Variants in DIPK2B observed in about 807,000 individuals in gnomAD.
The protein encoded by DIPK2B is divergent protein kinase domain 2B.
A neutral mutation model predicts 22.2 loss-of-function variants in DIPK2B; 15 were observed. That is an observed-to-expected ratio of 0.68 (90% CI 0.45 to 1.04). DIPK2B has a LOEUF of 1.04. Among genes scored for constraint, DIPK2B ranks in the 50% least tolerant of loss-of-function variants. The pLI is 0.00. For synonymous variants in DIPK2B, 163 were observed against 153.2 expected, an observed-to-expected ratio of 1.06 and a Z score of -0.47; for missense variants, 345 against 348.3, an observed-to-expected ratio of 0.99 and a Z score of 0.08.
intron 2 of DIPK2B, among the ~76,000 whole-genome samples, chrX:45,175,490 C>T (rs780043969): frequency 1.9e-5 from 2 of 107,803 alleles, no homozygotes; most frequent in Admixed American, 2.0e-4. Context: ...GAAAAAACAC[C>T]AATGTGTTAA....
In DIPK2B at chrX:45,192,033, C is replaced by G; in HGVS notation, c.234-18G>C. 8.4e-7 allele frequency: 1 copy of G among 1,194,704 alleles called. No individual in the cohort carries two copies. Among genetic ancestry groups the G allele is most frequent in the Non-Finnish European group, 1.1e-6 (1 of 886,996 alleles). ...TGTCAGATCTGTTGGAAGAATAGCC[C>G]TTTGAGGATTGGCCTGTGAGCTGGA... On this transcript the variant is annotated intron_variant, in intron 1 of 4. Coordinates refer to ENST00000398000, the MANE Select transcript of DIPK2B (RefSeq NM_176819.4).
chrX:45,169,265 G>T (rs1451901472), intron 2 of DIPK2B, among the ~76,000 whole-genome samples: 1 of 111,766 alleles, frequency 8.9e-6, no homozygotes, highest in Non-Finnish European at 1.9e-5. Flanking sequence ...ACATGGGAAG[G>T]CTCTAGAAGC....
chrX:45,173,700 A>G (rs1400322276), intron 2 of DIPK2B, among the ~76,000 whole-genome samples: 3 of 106,613 alleles, frequency 2.8e-5, no homozygotes, highest in African/African-American at 1.0e-4. Flanking sequence ...TTCTCTAAGT[A>G]GCTGGGACTA....
In DIPK2B at chrX:45,187,236, G is replaced by A. The variant is rs188390393; in HGVS notation, c.498+4515C>T. Among the ~76,000 whole-genome samples, 9 of 112,083 alleles carry A rather than the reference G, an allele frequency of 8.0e-5. No homozygotes were observed. The East Asian group carries it at 2.3e-3, about 28-fold the overall frequency. Reference sequence around the variant, plus strand: ...GTTTTCCCCTGATTAGCCTCCAGCTGCCTAGGGTGGTTGCCTCTTTGCCCT... The same window carrying A: ...GTTTTCCCCTGATTAGCCTCCAGCTACCTAGGGTGGTTGCCTCTTTGCCCT... On this transcript the variant is annotated intron_variant, in intron 2 of 4. Coordinates refer to ENST00000398000, the MANE Select transcript of DIPK2B (RefSeq NM_176819.4).
rs1232368665 is a variant in DIPK2B at position 45,179,760 on chromosome X, A to C, written c.498+11991T>G. ...CATAGAGAAAAAAATAATTGAAAAA[A>C]ATACTAGAATTCAAGGTTGGTTTAA... On this transcript the variant is annotated intron_variant, in intron 2 of 4. Coordinates refer to ENST00000398000, the MANE Select transcript of DIPK2B (RefSeq NM_176819.4). Among the ~76,000 whole-genome samples, 6 of 112,029 alleles carry C rather than the reference A, an allele frequency of 5.4e-5. No homozygotes were observed. In the Admixed American group the frequency reaches 5.7e-4, roughly 11 times the overall value.
chrX:45,200,676 C>T lies in DIPK2B; in HGVS notation c.151G>A (p.Gly51Arg), dbSNP rs756745436. The T allele has an allele frequency of 2.5e-6, 3 of 1,212,406 alleles. No individual in the cohort carries two copies. In the Admixed American group the frequency reaches 6.5e-5, roughly 26 times the overall value. The change falls in exon 1 of 5, where the codon GGA (glycine) becomes AGA (arginine). Residue 51 changes from glycine (G) to arginine (R), a missense_variant. Physicochemically the swap from Gly to Arg is moderately radical, Grantham distance 125 (BLOSUM62 -2). Coordinates refer to ENST00000398000, the MANE Select transcript of DIPK2B (RefSeq NM_176819.4). The part of the protein sequence containing the change: ...VPQVRTSYNF[G>R]RTFLGLDKCN... Reference sequence around the variant, plus strand: ...TTATCAAGACCGAGGAAAGTCCTTCCAAAATTGTAGCTGGTTCTGACTTGG... The same window carrying T: ...TTATCAAGACCGAGGAAAGTCCTTCTAAAATTGTAGCTGGTTCTGACTTGG...
At chrX:45,174,528 G>A (rs1174803615) in intron 2 of DIPK2B, among the ~76,000 whole-genome samples, 1 of 110,348 alleles carries the variant, frequency 9.1e-6, no homozygotes, top group Non-Finnish European at 1.9e-5. Flanking sequence ...GGGAAATCCA[G>A]GTAGGCTTCA....
At chrX:45,179,534 T>C (rs542438645) in intron 2 of DIPK2B, among the ~76,000 whole-genome samples, 1 of 110,469 alleles carries the variant, frequency 9.1e-6, no homozygotes, top group East Asian at 2.9e-4. Context: ...AGAGACAAAA[T>C]GAATGAAAAA....
At chrX:45,186,971 G>C (rs2047186231) in intron 2 of DIPK2B, among the ~76,000 whole-genome samples, 2 of 112,651 alleles carry the variant, frequency 1.8e-5, no homozygotes, top group African/African-American at 6.5e-5. Flanking sequence ...ATGCATTTTG[G>C]TTAATTTGCT....
chrX:45,151,907 G>T lies in DIPK2B; in HGVS notation c.1047C>A (p.Cys349Ter). 8.3e-7 allele frequency: 1 copy of T among 1,207,235 alleles called. No homozygotes were observed. Among genetic ancestry groups the T allele is most frequent in the Non-Finnish European group, 1.1e-6 (1 of 892,859 alleles). The change falls in exon 5 of 5, where the codon TGC becomes TGA. Residue 349 changes from cysteine to a stop codon, truncating the protein, a stop_gained. Transcript: ENST00000398000. LOFTEE classifies it high-confidence loss of function. ...VSGCQAQLPS[C>*]ESISEKQSLV... Reference sequence around the variant, plus strand: ...GGCTCTGCTTCTCAGAGATGCTTTCGCAGGAGGGCAGCTGGGCCTGGCAGC... The same window carrying T: ...GGCTCTGCTTCTCAGAGATGCTTTCTCAGGAGGGCAGCTGGGCCTGGCAGC...
chrX:45,179,169 T>C (rs2047135257), intron 2 of DIPK2B, among the ~76,000 whole-genome samples: 1 of 111,117 alleles, frequency 9.0e-6, no homozygotes, highest in Non-Finnish European at 1.9e-5. Flanking sequence ...CTACAAGGTA[T>C]AAGCCAGCCT....
chrX:45,153,474 T>TTGTG (rs34281975), intron 4 of DIPK2B, among the ~76,000 whole-genome samples: 12,722 of 73,700 alleles, frequency 0.17, 1,314 homozygotes, highest in Admixed American at 0.23. Flanking sequence ...CCCAAAAGTT[T>TTGTG]TGTGTGTGTG....
At position 45,154,085 on chromosome X, in the gene DIPK2B, A is replaced by G. The variant is rs147278119; in HGVS notation, c.786T>C (p.Asp262=). The change falls in exon 4 of 5, where the codon GAT becomes GAC. Residue 262 remains aspartate, a synonymous_variant. Coordinates refer to ENST00000398000, the MANE Select transcript of DIPK2B (RefSeq NM_176819.4). ...PLQEFYDAPP[D]QAADLAYQLL... ...GCTGGTAGGCAAGGTCGGCTGCCTGATCTGGGGGTGCATCATAGAATTCCT... is the reference window on the plus strand; with the variant it reads ...GCTGGTAGGCAAGGTCGGCTGCCTGGTCTGGGGGTGCATCATAGAATTCCT... 5.4e-5 allele frequency: 65 copies of G among 1,208,977 alleles called. No homozygotes were observed. The African/African-American group carries it at 1.0e-3, about 19-fold the overall frequency.
At chrX:45,163,212 C>T (rs1327714409) in intron 2 of DIPK2B, 1 of 209,403 alleles carries the variant, frequency 4.8e-6, no homozygotes, top group African/African-American at 3.1e-5. Context: ...ATTCTATCTG[C>T]AAACTACAGC....
rs778506625 is a variant in DIPK2B at position 45,162,764 on chromosome X, G to T, written c.499-4876C>A. On this transcript the variant is annotated intron_variant, in intron 2 of 4. Coordinates refer to ENST00000398000, the MANE Select transcript of DIPK2B (RefSeq NM_176819.4). The stretch of plus-strand genomic sequence containing the variant: ...GACCTCTGTTGCCCCTCTCTCTCCC[G>T]TGCCTGGTTTCCTCATCCTTGCATT... The T allele has an allele frequency of 4.0e-6, 3 of 752,323 alleles. No individual in the cohort carries two copies. In the African/African-American group the frequency reaches 7.0e-5, roughly 17 times the overall value. 62.0% of individuals were successfully genotyped at this position (752,323 alleles called of 1,213,427 possible). A position where few individuals can be genotyped will look rare whatever the true frequency, so the allele number is the denominator to read the frequency against.
chrX:45,166,243 A>C (rs1217646741), intron 2 of DIPK2B, among the ~76,000 whole-genome samples: 1 of 111,558 alleles, frequency 9.0e-6, no homozygotes. Flanking sequence ...TGGTCGCTGG[A>C]TGCCAGGGCT....
At position 45,190,364 on chromosome X, in the gene DIPK2B, G is replaced by A. The variant is rs181853671; in HGVS notation, c.498+1387C>T. ...CTCTTCCCACCTCAGTTTTGGAGAA[G>A]GAATGTCAGAGCAGATTGGGGAAAT... is the stretch of plus-strand genomic sequence containing the variant. On this transcript the variant is annotated intron_variant, in intron 2 of 4. Coordinates refer to ENST00000398000, the MANE Select transcript of DIPK2B (RefSeq NM_176819.4). 1.4e-3 allele frequency among the ~76,000 whole-genome samples: 154 copies of A among 111,917 alleles called. 1 individual carries two copies. The highest frequency in any genetic ancestry group is 4.8e-3 in the African/African-American group (147 of 30,749).
chrX:45,193,757 A>G (rs970848526), intron 1 of DIPK2B, among the ~76,000 whole-genome samples: 6 of 112,448 alleles, frequency 5.3e-5, no homozygotes, highest in Admixed American at 1.9e-4. Flanking sequence ...ACAGTGTAAC[A>G]TTGTAATGAG....
intron 1 of DIPK2B, among the ~76,000 whole-genome samples, chrX:45,198,494 C>T (rs1335844233): frequency 9.0e-6 from 1 of 111,029 alleles, no homozygotes; most frequent in Non-Finnish European, 1.9e-5. Context: ...GCACACTTCC[C>T]TTTCACGGGC....
Sources: gnomAD v4.1 joint callset for allele counts (sites outside exome capture counted in the v4.1 genomes callset) on GRCh38, gnomAD v4.1.1 for gene constraint, MANE v1.5 for transcripts, NCBI Gene and HGNC (gene_info 2026-07-23, HGNC 2026-07-21) for gene names.